Variants in SLC22A11 observed in about 807,000 individuals in gnomAD.
SLC22A11 encodes the protein solute carrier family 22 member 11.
In SLC22A11, 42 loss-of-function variants were observed where a neutral mutation model predicts 49.4. The observed-to-expected ratio is 0.85, with a 90% CI of 0.66 to 1.10. The LOEUF is 1.10. Among genes scored for constraint, SLC22A11 ranks in the 50% least tolerant of loss-of-function variants. SLC22A11 has a pLI of 0.00. For synonymous variants in SLC22A11, 304 were observed against 315.8 expected (o/e 0.96, Z 0.40); for missense variants, 685 against 731.6 (o/e 0.94, Z 0.74).
At position 64,568,770 on chromosome 11, in the gene SLC22A11, G is replaced by C; in HGVS notation, c.1374G>C (p.Thr458=). The C allele has an allele frequency of 2.5e-6, 4 of 1,613,574 alleles. No homozygotes were observed. Among genetic ancestry groups the C allele is most frequent in the Non-Finnish European group, 2.5e-6 (3 of 1,179,616 alleles). ...TCTACAAGGCTGAACTCTTTCCAAC[G>C]CCAGTGCGGTAAGCTGGGCTGCAGG... is the stretch of plus-strand genomic sequence containing the variant. ...LTIYKAELFP[T]PVRMTADGIL... Residue 458 remains threonine (T), a synonymous_variant, in exon 8 of 10, where the codon ACG becomes ACC. Coordinates refer to ENST00000301891, the MANE Select transcript of SLC22A11 (RefSeq NM_018484.4).
chr11:64,563,610 T>TAAAAAAAAAAAAAAAAAAAAA, intron 4 of SLC22A11, among the ~76,000 whole-genome samples: 1 of 43,858 alleles, frequency 2.3e-5, no homozygotes, highest in Non-Finnish European at 3.8e-5. Flanking sequence ...TTAAATGTGC[T>TAAAAAAAAAAAAAAAAAAAAA]AAAAAAAAAA....
At position 64,564,593 on chromosome 11, in the gene SLC22A11, ACACCAC is replaced by A. The variant is rs372337351; in HGVS notation, c.942+180_942+185del. ...CACCTCCATCACCACCTCCACACAG[ACACCAC>A]CACCACCACCACCAATCCCGATACC... On this transcript the variant is annotated intron_variant, in intron 5 of 9. Transcript: ENST00000301891. This position sits in a 1 kb window ranked among gnomAD's most constrained non-coding sequence, Gnocchi z 4.2. 1.3e-5 allele frequency among the ~76,000 whole-genome samples: 2 copies of A among 150,496 alleles called. No homozygotes were observed. Among genetic ancestry groups the A allele is most frequent in the Non-Finnish European group, 3.0e-5 (2 of 67,562 alleles).
At position 64,562,658 on chromosome 11, in the gene SLC22A11, A is replaced by G. The variant is rs1221202254; in HGVS notation, c.821+223A>G. Among the ~76,000 whole-genome samples, 1 of 152,210 alleles carries G rather than the reference A, an allele frequency of 6.6e-6. No homozygotes were observed. The highest frequency in any genetic ancestry group is 2.4e-5 in the African/African-American group (1 of 41,460). Reference sequence around the variant, plus strand: ...TCCCATCCAGCCCAGACAGGCCAAGATGGGCTGGCACAGCATTGGCTCAAA... The same window carrying G: ...TCCCATCCAGCCCAGACAGGCCAAGGTGGGCTGGCACAGCATTGGCTCAAA... On this transcript the variant is annotated intron_variant, in intron 4 of 9. Coordinates refer to ENST00000301891, the MANE Select transcript of SLC22A11 (RefSeq NM_018484.4). The surrounding 1 kb of genome is among the most constrained non-coding windows in gnomAD (Gnocchi z 4.4).
intron 7 of SLC22A11, among the ~76,000 whole-genome samples, chr11:64,568,138 G>T (rs1035412393): frequency 1.3e-5 from 2 of 152,260 alleles, no homozygotes; most frequent in African/African-American, 4.8e-5. Flanking sequence ...GAGAGCCCAA[G>T]CTCTGAGCGC....
rs778754696 is a variant in SLC22A11 at position 64,562,219 on chromosome 11, C to T, written c.653-48C>T. On this transcript the variant is annotated intron_variant, in intron 3 of 9. Coordinates refer to ENST00000301891, the MANE Select transcript of SLC22A11 (RefSeq NM_018484.4). This position sits in a 1 kb window ranked among gnomAD's most constrained non-coding sequence, Gnocchi z 4.4. ...GCGGGGGTGGCAGGAGAGAATGGGG[C>T]TCAGGCCGCCGCATGAGGCCTCACC... is the stretch of plus-strand genomic sequence containing the variant. 4 of 1,600,922 alleles carry T rather than the reference C, an allele frequency of 2.5e-6. No homozygotes were observed. In the East Asian group the frequency reaches 9.0e-5, roughly 36 times the overall value.
At chr11:64,559,801 C>T (rs953003665) in intron 2 of SLC22A11, among the ~76,000 whole-genome samples, 1 of 152,124 alleles carries the variant, frequency 6.6e-6, no homozygotes, top group Non-Finnish European at 1.5e-5. Context: ...AACGTGAGGC[C>T]GGTTAGGGGA....
Position 64,572,631 on chromosome 11 carries a change from C to G in SLC22A11, c.*1589C>G, listed in dbSNP as rs1377342779. On this transcript the variant is annotated 3_prime_UTR_variant, in exon 10 of 10. Transcript: ENST00000301891. Reference sequence around the variant, plus strand: ...ACCACGGTTGTAGCTCCAAACTGGTCCCTGATGTCTACATTGCACTCTGCA... The same window carrying G: ...ACCACGGTTGTAGCTCCAAACTGGTGCCTGATGTCTACATTGCACTCTGCA... 1 of 152,256 alleles carries G rather than the reference C, an allele frequency of 6.6e-6. No individual in the cohort carries two copies. The highest frequency in any genetic ancestry group is 2.4e-5 in the African/African-American group (1 of 41,442). 9.4% of individuals were successfully genotyped at this position (152,256 alleles called of 1,614,324 possible).
In SLC22A11 at chr11:64,565,199, G is replaced by T; in HGVS notation, c.943-23G>T. ...GCAGGGCCATTGCCCTACCATTCACGGTGCCCCCATTCTCCCCGGAAGGTG... is the reference window on the plus strand; with the variant it reads ...GCAGGGCCATTGCCCTACCATTCACTGTGCCCCCATTCTCCCCGGAAGGTG... On this transcript the variant is annotated intron_variant, in intron 5 of 9. Transcript: ENST00000301891. This position sits in a 1 kb window ranked among gnomAD's most constrained non-coding sequence, Gnocchi z 4.1. 2 of 1,498,846 alleles carry T rather than the reference G, an allele frequency of 1.3e-6. No individual in the cohort carries two copies. Among genetic ancestry groups the T allele is most frequent in the South Asian group, 1.3e-5 (1 of 77,466 alleles). 92.8% of individuals were successfully genotyped at this position (1,498,846 alleles called of 1,614,324 possible). A position where few individuals can be genotyped will look rare whatever the true frequency, so the allele number is the denominator to read the frequency against.
At chr11:64,563,770 A>G (rs558071662) in intron 4 of SLC22A11, among the ~76,000 whole-genome samples, 3 of 152,034 alleles carry the variant, frequency 2.0e-5, no homozygotes, top group East Asian at 3.9e-4. Flanking sequence ...ATACAAAAAA[A>G]TTAGCCATGG....
Position 64,565,437 on chromosome 11 carries a change from G to C in SLC22A11, c.1058+100G>C, listed in dbSNP as rs551224728. On this transcript the variant is annotated intron_variant, in intron 6 of 9. Coordinates refer to ENST00000301891, the MANE Select transcript of SLC22A11 (RefSeq NM_018484.4). The surrounding 1 kb of genome is among the most constrained non-coding windows in gnomAD (Gnocchi z 4.1). ...AGAGCGTCCAGGGGAAACAGCACCC[G>C]CAGGCCTCAAGGGGGTGCATTTCTG... 4 of 969,192 alleles carry C rather than the reference G, an allele frequency of 4.1e-6. No homozygotes were observed. Among genetic ancestry groups the C allele is most frequent in the Non-Finnish European group, 6.3e-6 (4 of 630,656 alleles). The allele number at this position is 969,192 out of a possible 1,614,324, so 60.0% of individuals were successfully genotyped here.
In SLC22A11 at chr11:64,571,012, G is replaced by C. The variant is rs770826781; in HGVS notation, c.1623G>C (p.Glu541Asp). 6.2e-7 allele frequency: 1 copy of C among 1,614,226 alleles called. No homozygotes were observed. Among genetic ancestry groups the C allele is most frequent in the East Asian group, 2.2e-5 (1 of 44,886 alleles). The change falls in exon 10 of 10, where the codon GAG becomes GAC. Residue 541 changes from glutamate to aspartate, a missense_variant. Glu to Asp is a conservative substitution (Grantham distance 45, BLOSUM62 2). Transcript: ENST00000301891. ...CAGCAGCCCAGGGCAACCGGCAAGA[G>C]GCCGTCACTGTGGAAAGTACCTCGC... ...KSTAAQGNRQ[E>D]AVTVESTSL
At chr11:64,559,062 G>T in intron 1 of SLC22A11, 73 bp from the exon 2 acceptor site, 2 of 1,315,728 alleles carry the variant, frequency 1.5e-6, no homozygotes, top group Non-Finnish European at 2.2e-6. Context: ...GTGTGGGTCA[G>T]GCGTTCCTCG....
chr11:64,559,722 T>C (rs1403708838), intron 2 of SLC22A11, among the ~76,000 whole-genome samples: 2 of 152,102 alleles, frequency 1.3e-5, no homozygotes, highest in Admixed American at 6.5e-5. Flanking sequence ...GGGAGACAAG[T>C]GTCTGCTCTT....
At position 64,569,741 on chromosome 11, in the gene SLC22A11, T is replaced by A. The variant is rs759662226; in HGVS notation, c.1472T>A (p.Leu491Gln). 6.2e-7 allele frequency: 1 copy of A among 1,614,198 alleles called. No individual in the cohort carries two copies. Among genetic ancestry groups the A allele is most frequent in the South Asian group, 1.1e-5 (1 of 91,080 alleles). The change falls in exon 9 of 10, where the codon CTG becomes CAG. Residue 491 changes from leucine to glutamine, a missense_variant. Transcript: ENST00000301891. ...CTGATGAGCCGCCAAGCCCTGCCCC[T>A]GCTGCCTCCTCTCCTCTATGGCGTT... ...LILMSRQALP[L>Q]LPPLLYGVIS...
chr11:64,562,232 A>G lies in SLC22A11; in HGVS notation c.653-35A>G. On this transcript the variant is annotated intron_variant, in intron 3 of 9. Transcript: ENST00000301891. This position sits in a 1 kb window ranked among gnomAD's most constrained non-coding sequence, Gnocchi z 4.4. ...GAGAGAATGGGGCTCAGGCCGCCGC[A>G]TGAGGCCTCACCTGCACGTGTCTGC... is the stretch of plus-strand genomic sequence containing the variant. 6.2e-7 allele frequency: 1 copy of G among 1,600,578 alleles called. No homozygotes were observed.
At chr11:64,569,191 C>T (rs553271154) in intron 8 of SLC22A11, among the ~76,000 whole-genome samples, 1 of 152,252 alleles carries the variant, frequency 6.6e-6, no homozygotes, top group African/African-American at 2.4e-5. Flanking sequence ...GTCTAGGCCA[C>T]CCCCACATTT....
chr11:64,564,055 G>A lies in SLC22A11; in HGVS notation c.822-253G>A, dbSNP rs1246456024. Among the ~76,000 whole-genome samples the A allele has an allele frequency of 6.6e-6, 1 of 152,180 alleles. No individual in the cohort carries two copies. The highest frequency in any genetic ancestry group is 6.5e-5 in the Admixed American group (1 of 15,286). On this transcript the variant is annotated intron_variant, in intron 4 of 9. Coordinates refer to ENST00000301891, the MANE Select transcript of SLC22A11 (RefSeq NM_018484.4). The surrounding 1 kb of genome is among the most constrained non-coding windows in gnomAD (Gnocchi z 4.2). ...CTGGCTGTGTGCAGGGCTCAGGTGG[G>A]CAGGCCCCGGGCAGCCAGGCGAGCC...
At chr11:64,558,824 T>C (rs1334375762) in intron 1 of SLC22A11, among the ~76,000 whole-genome samples, 1 of 152,184 alleles carries the variant, frequency 6.6e-6, no homozygotes, top group Non-Finnish European at 1.5e-5. Context: ...CAAGAAATTG[T>C]TCATTTTTCT....
At chr11:64,567,491 C>A in intron 6 of SLC22A11, 108 bp from the exon 7 acceptor site, 1 of 995,234 alleles carries the variant, frequency 1.0e-6, no homozygotes, top group Non-Finnish European at 1.5e-6. Flanking sequence ...GGATTGTCCT[C>A]CGGGGTTGGC....
Sources: allele counts gnomAD v4.1 joint callset (sites outside exome capture counted in the v4.1 genomes callset), GRCh38; gene constraint gnomAD v4.1.1; non-coding constraint Gnocchi (gnomAD v3.1); transcripts MANE v1.5; gene names NCBI Gene and HGNC (gene_info 2026-07-23, HGNC 2026-07-21).